Variants in PRDM16 observed in about 807,000 individuals in gnomAD.
PRDM16 encodes histone-lysine N-methyltransferase PRDM16.
A neutral mutation model predicts 110.6 loss-of-function variants in PRDM16; 23 were observed. The observed-to-expected ratio is 0.21, with a 90% CI of 0.15 to 0.29. The LOEUF (loss-of-function observed/expected upper bound fraction) is 0.29, where lower values mean the gene tolerates loss of function less well. PRDM16 is among the 10% of genes least tolerant of loss of function. The pLI is 1.00. For synonymous variants in PRDM16, 799 were observed against 781.8 expected (o/e 1.02, Z -0.37); for missense variants, 1,615 against 1,794.3 (o/e 0.90, Z 1.81).
At chr1:3,293,358 C>A (rs181455670) in intron 3 of PRDM16, among the ~76,000 whole-genome samples, 2 of 152,212 alleles carry the variant, frequency 1.3e-5, no homozygotes, top group Non-Finnish European at 2.9e-5. Context: ...TGTGTCAGCA[C>A]ATAACCTTTG....
intron 1 of PRDM16, among the ~76,000 whole-genome samples, chr1:3,109,131 C>T (rs889474894): frequency 6.6e-6 from 1 of 150,784 alleles, no homozygotes; most frequent in Admixed American, 6.6e-5. Context: ...AACAAAATCA[C>T]ATATTTTGAA....
chr1:3,150,680 C>T (rs207192), intron 1 of PRDM16, among the ~76,000 whole-genome samples: 32 of 152,182 alleles, frequency 2.1e-4, no homozygotes, highest in African/African-American at 6.8e-4. Context: ...CTGGTGCACA[C>T]CTGCCCACCC....
intron 3 of PRDM16, among the ~76,000 whole-genome samples, chr1:3,256,008 G>C (rs893464356): frequency 6.6e-6 from 1 of 152,186 alleles, no homozygotes; most frequent in Admixed American, 6.5e-5. Flanking sequence ...CAGAGAGCAG[G>C]TATGTGGCAC....
chr1:3,306,798 A>G (rs1641325224), intron 3 of PRDM16: 1 of 152,142 alleles, frequency 6.6e-6, no homozygotes, highest in South Asian at 2.1e-4. Context: ...GAAAAAAGAA[A>G]CCACACACCT....
intron 3 of PRDM16, among the ~76,000 whole-genome samples, chr1:3,372,963 G>A (rs1397668839): frequency 6.6e-6 from 1 of 152,218 alleles, no homozygotes; most frequent in Non-Finnish European, 1.5e-5. Flanking sequence ...AGCTAGCGGG[G>A]TTTGGGGGAT....
At chr1:3,431,202 T>C in intron 15 of PRDM16, 94 bp downstream of exon 15, 2 of 1,483,964 alleles carry the variant, frequency 1.3e-6, no homozygotes, top group Non-Finnish European at 1.8e-6. Flanking sequence ...CGTGAGCCCA[T>C]CCCTGGCTCA....
At chr1:3,277,733 GCACACA>G (rs371088651) in intron 3 of PRDM16, among the ~76,000 whole-genome samples, 453 of 150,572 alleles carry the variant, frequency 3.0e-3, no homozygotes, top group Non-Finnish European at 5.0e-3. Flanking sequence ...ACACACGCGC[GCACACA>G]CGCACACGCA....
Position 3,255,887 on chromosome 1 carries a change from C to T in PRDM16, c.438+11750C>T, listed in dbSNP as rs1640033745. 6.6e-6 allele frequency among the ~76,000 whole-genome samples: 1 copy of T among 151,934 alleles called. No homozygotes were observed. Among genetic ancestry groups the T allele is most frequent in the African/African-American group, 2.4e-5 (1 of 41,310 alleles). On this transcript the variant is annotated intron_variant, in intron 3 of 16. Transcript: ENST00000270722. This position sits in a 1 kb window ranked among gnomAD's most constrained non-coding sequence, Gnocchi z 4.7. ...AGCCAACCCCGTGGCCGCACTGACA[C>T]CCGAAGCCAACCCCGTGGCCGCACC...
chr1:3,431,911 G>T lies in PRDM16; in HGVS notation c.3522-55G>T. The stretch of plus-strand genomic sequence containing the variant: ...GCTGGGCTTGCAGCATCAGAGAGGC[G>T]GCCAAGGCCAGGCTGCTGACAGCAG... On this transcript the variant is annotated intron_variant, in intron 15 of 16. Transcript: ENST00000270722. 1.9e-6 allele frequency: 3 copies of T among 1,572,948 alleles called. No homozygotes were observed. The South Asian group carries it at 3.5e-5, about 18-fold the overall frequency.
rs1409072715 is a variant in PRDM16, at chr1:3,157,877, A to T, written c.38-28248A>T. ...GCTGGATGCTTTAGCCCCAGCACCA[A>T]CTATGCCATCTTCCTCCCACTTAAA... On this transcript the variant is annotated intron_variant, in intron 1 of 16. Coordinates refer to ENST00000270722, the MANE Select transcript of PRDM16 (RefSeq NM_022114.4). This position sits in a 1 kb window ranked among gnomAD's most constrained non-coding sequence, Gnocchi z 4.8. Among the ~76,000 whole-genome samples, 1 of 152,218 alleles carries T rather than the reference A, an allele frequency of 6.6e-6. No homozygotes were observed. The highest frequency in any genetic ancestry group is 1.9e-4 in the East Asian group (1 of 5,190).
At chr1:3,123,006 G>A (rs887374943) in intron 1 of PRDM16, among the ~76,000 whole-genome samples, 9 of 152,188 alleles carry the variant, frequency 5.9e-5, no homozygotes, top group East Asian at 1.9e-4. Context: ...AAGGGGCCAA[G>A]GTGGGTGGGA....
At chr1:3,283,771 T>C (rs1333947080) in intron 3 of PRDM16, among the ~76,000 whole-genome samples, 1 of 151,594 alleles carries the variant, frequency 6.6e-6, no homozygotes, top group African/African-American at 2.4e-5. Context: ...AAAGGAAGAG[T>C]ATATTTCCCG....
At chr1:3,351,107 G>A (rs1002872294) in intron 3 of PRDM16, among the ~76,000 whole-genome samples, 8 of 152,164 alleles carry the variant, frequency 5.3e-5, no homozygotes, top group African/African-American at 1.9e-4. Flanking sequence ...TGGGCCAGAC[G>A]TTTTGGGGGC....
chr1:3,372,881 C>T (rs577205745), intron 3 of PRDM16, among the ~76,000 whole-genome samples: 80 of 152,294 alleles, frequency 5.3e-4, no homozygotes, highest in Middle Eastern at 3.4e-3. Flanking sequence ...GGAGCAGGGA[C>T]TGGTGTGGGG....
chr1:3,358,155 G>A lies in PRDM16; in HGVS notation c.439-26997G>A, dbSNP rs1314245533. On this transcript the variant is annotated intron_variant, in intron 3 of 16. Transcript: ENST00000270722. This position sits in a 1 kb window ranked among gnomAD's most constrained non-coding sequence, Gnocchi z 4.0. ...CCATGACCCCCTTGCCCAGGGCAACGTGGACCACACAGACACGGTGCAATA... is the reference window on the plus strand; with the variant it reads ...CCATGACCCCCTTGCCCAGGGCAACATGGACCACACAGACACGGTGCAATA... Among the ~76,000 whole-genome samples the A allele has an allele frequency of 1.3e-5, 2 of 152,246 alleles. No individual in the cohort carries two copies. The highest frequency in any genetic ancestry group is 1.9e-4 in the East Asian group (1 of 5,198).
In PRDM16 at chr1:3,396,481, T is replaced by C; in HGVS notation, c.574-10T>C. The C allele has an allele frequency of 6.7e-7, 1 of 1,493,620 alleles. No homozygotes were observed. The highest frequency in any genetic ancestry group is 9.2e-7 in the Non-Finnish European group (1 of 1,082,200). 92.5% of individuals were successfully genotyped at this position (1,493,620 alleles called of 1,614,324 possible). A position where few individuals can be genotyped will look rare whatever the true frequency, so the allele number is the denominator to read the frequency against. On this transcript the variant is annotated splice_polypyrimidine_tract_variant and intron_variant, in intron 4 of 16. Coordinates refer to ENST00000270722, the MANE Select transcript of PRDM16 (RefSeq NM_022114.4). ...ACACTCACCCTTTCTCTCTGGTCTC[T>C]CCATCCTAGATTTACTATAAAGTCA...
At position 3,202,635 on chromosome 1, in the gene PRDM16, A is replaced by G. The variant is rs757682522; in HGVS notation, c.387+16161A>G. ...GTGAGGGATGGTGTGTGCCTTCTGCATGCTCCTGATTCCTCCTTTTCAACC... is the reference window on the plus strand; with the variant it reads ...GTGAGGGATGGTGTGTGCCTTCTGCGTGCTCCTGATTCCTCCTTTTCAACC... On this transcript the variant is annotated intron_variant, in intron 2 of 16. Coordinates refer to ENST00000270722, the MANE Select transcript of PRDM16 (RefSeq NM_022114.4). Among the ~76,000 whole-genome samples, 10 of 152,194 alleles carry G rather than the reference A, an allele frequency of 6.6e-5. 1 individual carries two copies. Among genetic ancestry groups the G allele is most frequent in the Admixed American group, 3.3e-4 (5 of 15,284 alleles).
At chr1:3,100,491 C>G (rs1247515888) in intron 1 of PRDM16, among the ~76,000 whole-genome samples, 2 of 151,944 alleles carry the variant, frequency 1.3e-5, no homozygotes, top group Non-Finnish European at 2.9e-5. Context: ...CTATGGAGCC[C>G]CTGCAGAACC....
At chr1:3,119,285 C>T (rs78071572) in intron 1 of PRDM16, among the ~76,000 whole-genome samples, 5,268 of 152,328 alleles carry the variant, frequency 0.035, 279 homozygotes, top group African/African-American at 0.12. Flanking sequence ...CGGCCGGTGC[C>T]GTGGACATTC....
Sources: gnomAD v4.1 joint callset for allele counts (sites outside exome capture counted in the v4.1 genomes callset) on GRCh38, gnomAD v4.1.1 for gene constraint, Gnocchi (gnomAD v3.1) non-coding constraint, MANE v1.5 for transcripts, NCBI Gene and HGNC (gene_info 2026-07-23, HGNC 2026-07-21) for gene names.